Variants in SLC26A11 observed in about 807,000 individuals in gnomAD.
SLC26A11 encodes sodium-independent sulfate anion transporter.
SLC26A11 carries 58 observed loss-of-function variants against 62.2 expected under a neutral mutation model. The observed-to-expected ratio is 0.93, with a 90% CI of 0.76 to 1.16. The LOEUF (loss-of-function observed/expected upper bound fraction) is 1.16, where lower values mean the gene tolerates loss of function less well. Among genes scored for constraint, SLC26A11 ranks in the 50% most tolerant of loss-of-function variants. SLC26A11 has a pLI of 0.00. For synonymous variants in SLC26A11, 411 were observed against 368.9 expected (o/e 1.11, Z -1.31); for missense variants, 790 against 794.3 (o/e 0.99, Z 0.06).
At chr17:80,237,137 G>A in intron 8 of SLC26A11, 34 bp downstream of exon 8, 2 of 1,595,368 alleles carry the variant, frequency 1.3e-6, no homozygotes, top group Non-Finnish European at 1.7e-6. Context: ...TGGCGTGGCT[G>A]AGGCTGCGGT....
Position 80,223,225 on chromosome 17 carries a change from G to T in SLC26A11, c.428-27G>T. On this transcript the variant is annotated intron_variant, in intron 4 of 17. Transcript: ENST00000361193. The surrounding 1 kb of genome is among the most constrained non-coding windows in gnomAD (Gnocchi z 4.6). The stretch of plus-strand genomic sequence containing the variant: ...CTGGGACTGGGTGGAGCCGGGACCA[G>T]CTCGATGTCCCCTCTTGGCTGGCCA... The T allele has an allele frequency of 6.2e-7, 1 of 1,605,424 alleles. No homozygotes were observed. Among genetic ancestry groups the T allele is most frequent in the Non-Finnish European group, 8.5e-7 (1 of 1,172,244 alleles).
chr17:80,245,699 G>A (rs187001529), intron 11 of SLC26A11, among the ~76,000 whole-genome samples: 23 of 152,334 alleles, frequency 1.5e-4, no homozygotes, highest in Non-Finnish European at 2.9e-4. Context: ...AGGACGTGGA[G>A]ATAGGAAGGG....
chr17:80,224,934 A>T (rs747405279), intron 5 of SLC26A11, among the ~76,000 whole-genome samples: 4 of 151,870 alleles, frequency 2.6e-5, no homozygotes, highest in African/African-American at 4.8e-5. Flanking sequence ...AGGATGTCCT[A>T]ACCCCACCCA....
chr17:80,226,633 G>A (rs1374604392), intron 6 of SLC26A11, among the ~76,000 whole-genome samples: 3 of 152,156 alleles, frequency 2.0e-5, no homozygotes, highest in Admixed American at 6.6e-5. Context: ...CCTGTGAGGC[G>A]GAGGTTGCAG....
rs761104839 is a variant in SLC26A11 at position 80,222,770 on chromosome 17, TC to T, written c.352del (p.His118MetfsTer82). ...TCCCTCCTGGTCTCCTTCTACACCT[TC>T]CATGAGCCCGCCTACGCTGTGCTGC... Reference protein sequence around the residue: ...IMSLLVSFYTFHEPAYAVLLA... With the variant: ...IMSLLVSFYTXHEPAYAVLLA... On this transcript the variant is annotated frameshift_variant, in exon 4 of 18. Coordinates refer to ENST00000361193, the MANE Select transcript of SLC26A11 (RefSeq NM_001166347.2). LOFTEE classifies it high-confidence loss of function. This position sits in a 1 kb window ranked among gnomAD's most constrained non-coding sequence, Gnocchi z 4.7. 6.2e-7 allele frequency: 1 copy of T among 1,614,170 alleles called. No homozygotes were observed. The highest frequency in any genetic ancestry group is 1.1e-5 in the South Asian group (1 of 91,082).
At chr17:80,220,588 G>A (rs2042122931) in intron 1 of SLC26A11, 92 bp downstream of exon 1, 2 of 378,180 alleles carry the variant, frequency 5.3e-6, no homozygotes, top group Non-Finnish European at 9.4e-6. Flanking sequence ...CGACGCGGGG[G>A]CCAGCGCGGA....
chr17:80,226,918 G>A (rs1377578206), intron 6 of SLC26A11, among the ~76,000 whole-genome samples: 1 of 152,190 alleles, frequency 6.6e-6, no homozygotes, highest in Non-Finnish European at 1.5e-5. Flanking sequence ...CTGATCTGCT[G>A]CCGAAGCTTC....
rs997143335 is a variant in SLC26A11 at position 80,220,967 on chromosome 17, G to A, written c.-162G>A. On this transcript the variant is annotated 5_prime_UTR_variant, in exon 2 of 18. Transcript: ENST00000361193. ...AAGCCACAGGTGGGGGCTGAGCGAG[G>A]CGTGGCCTCAGGAGCGGAGGACCCC... 3.3e-5 allele frequency: 5 copies of A among 150,294 alleles called. No homozygotes were observed. Among genetic ancestry groups the A allele is most frequent in the African/African-American group, 1.2e-4 (5 of 40,794 alleles). The allele number at this position is 150,294 out of a possible 1,614,324, so 9.3% of individuals were successfully genotyped here.
At position 80,241,757 on chromosome 17, in the gene SLC26A11, T is replaced by G. The variant is rs377375163; in HGVS notation, c.986-14T>G. The G allele has an allele frequency of 4.6e-5, 75 of 1,614,018 alleles. No homozygotes were observed. The highest frequency in any genetic ancestry group is 7.6e-6 in the Non-Finnish European group (9 of 1,179,956). Reference sequence around the variant, plus strand: ...AATATTACTGACCAGGTCTTTACCGTTGGTTCCCTTTAGCATCTCAGAATA... The same window carrying G: ...AATATTACTGACCAGGTCTTTACCGGTGGTTCCCTTTAGCATCTCAGAATA... On this transcript the variant is annotated splice_polypyrimidine_tract_variant and intron_variant, in intron 9 of 17. Transcript: ENST00000361193.
intron 7 of SLC26A11, among the ~76,000 whole-genome samples, chr17:80,231,248 C>T (rs553246323): frequency 4.6e-5 from 7 of 150,986 alleles, no homozygotes; most frequent in Admixed American, 2.6e-4. Flanking sequence ...CTGCAACCTC[C>T]GCCTCCCGGG....
At position 80,221,758 on chromosome 17, in the gene SLC26A11, G is replaced by T. The variant is rs866220843; in HGVS notation, c.198G>T (p.Ala66=). 4 of 1,612,862 alleles carry T rather than the reference G, an allele frequency of 2.5e-6. No individual in the cohort carries two copies. Among genetic ancestry groups the T allele is most frequent in the Middle Eastern group, 1.7e-4 (1 of 6,060 alleles). The change falls in exon 3 of 18, where the codon GCG becomes GCT. Residue 66 remains alanine (A), a synonymous_variant. Transcript: ENST00000361193. The part of the protein sequence containing the change: ...LSVGLTAIPQ[A]LAYAEVAGLP... ...TTGGCCTCACTGCCATTCCCCAGGCGCTGGCCTATGCTGAAGTGGCTGGAC... is the reference window on the plus strand; with the variant it reads ...TTGGCCTCACTGCCATTCCCCAGGCTCTGGCCTATGCTGAAGTGGCTGGAC...
At chr17:80,235,573 C>G (rs895852573) in intron 7 of SLC26A11, among the ~76,000 whole-genome samples, 1 of 152,184 alleles carries the variant, frequency 6.6e-6, no homozygotes, top group Non-Finnish European at 1.5e-5. Flanking sequence ...TCAGGCTGGC[C>G]TCAAACTTCT....
chr17:80,232,139 ATTTTC>A (rs2042582086), intron 7 of SLC26A11, among the ~76,000 whole-genome samples: 1 of 151,980 alleles, frequency 6.6e-6, no homozygotes, highest in African/African-American at 2.4e-5. Context: ...TAGAATTATA[ATTTTC>A]TCTTGGAATG....
intron 7 of SLC26A11, among the ~76,000 whole-genome samples, chr17:80,230,120 G>A (rs978415286): frequency 3.3e-5 from 5 of 151,510 alleles, no homozygotes; most frequent in Admixed American, 1.3e-4. Flanking sequence ...ACTTGAACCC[G>A]GGAGGCGGAG....
In SLC26A11 at chr17:80,246,561, C is replaced by T. The variant is rs775097560; in HGVS notation, c.1206C>T (p.Ile402=). ...ACCTGACCTCACTGTTCTACTACAT[C>T]CCCAAGTCTGCCCTGGCTGCCGTCA... The part of the protein sequence containing the change: ...LDYLTSLFYY[I]PKSALAAVII... The change falls in exon 13 of 18, where the codon ATC becomes ATT. Residue 402 remains isoleucine, a synonymous_variant. Coordinates refer to ENST00000361193, the MANE Select transcript of SLC26A11 (RefSeq NM_001166347.2). This position sits in a 1 kb window ranked among gnomAD's most constrained non-coding sequence, Gnocchi z 4.4. 3.1e-6 allele frequency: 5 copies of T among 1,613,816 alleles called. No homozygotes were observed. In the East Asian group the frequency reaches 8.9e-5, roughly 29 times the overall value.
rs140007004 is a variant in SLC26A11, at chr17:80,247,151, G to A, written c.1294+502G>A. Among the ~76,000 whole-genome samples, 167 of 152,056 alleles carry A rather than the reference G, an allele frequency of 1.1e-3. 1 individual carries two copies. The highest frequency in any genetic ancestry group is 3.9e-3 in the African/African-American group (162 of 41,470). On this transcript the variant is annotated intron_variant, in intron 13 of 17. Transcript: ENST00000361193. ...TTTGGCAGGGTCATAGGACAATATG[G>A]GGTTGGGGGTAAGGTCACAGATAAC...
Position 80,252,759 on chromosome 17 carries a change from A to C in SLC26A11, c.*43A>C, listed in dbSNP as rs373428480. 6.4e-7 allele frequency: 1 copy of C among 1,568,492 alleles called. No homozygotes were observed. The highest frequency in any genetic ancestry group is 8.7e-7 in the Non-Finnish European group (1 of 1,143,002). On this transcript the variant is annotated 3_prime_UTR_variant, in exon 18 of 18. Transcript: ENST00000361193. This position sits in a 1 kb window ranked among gnomAD's most constrained non-coding sequence, Gnocchi z 5.2. Reference sequence around the variant, plus strand: ...ATCCACAGTTTGCAGGGTGTTCCGGAAGGTTCTTGTCACTGTGATTGGATG... The same window carrying C: ...ATCCACAGTTTGCAGGGTGTTCCGGCAGGTTCTTGTCACTGTGATTGGATG...
intron 8 of SLC26A11, 53 bp downstream of exon 8, chr17:80,237,156 GC>G (rs2042718626): frequency 6.3e-7 from 1 of 1,576,216 alleles, no homozygotes; most frequent in African/African-American, 1.3e-5. Context: ...GTGGCCCCTG[GC>G]CTGGCTCCTA....
At chr17:80,242,860 C>T (rs545463300) in intron 10 of SLC26A11, among the ~76,000 whole-genome samples, 1 of 152,268 alleles carries the variant, frequency 6.6e-6, no homozygotes, top group East Asian at 1.9e-4. Context: ...AGGCGTGTGC[C>T]ACCACGCCTG....
Sources: allele counts gnomAD v4.1 joint callset (sites outside exome capture counted in the v4.1 genomes callset), GRCh38; gene constraint gnomAD v4.1.1; non-coding constraint Gnocchi (gnomAD v3.1); transcripts MANE v1.5; gene names NCBI Gene and HGNC (gene_info 2026-07-23, HGNC 2026-07-21).